Variants in RARB observed in about 807,000 individuals in gnomAD.
RARB encodes retinoic acid receptor beta, also known as HBV-activated protein.
RARB carries 17 observed loss-of-function variants against 51.9 expected under a neutral mutation model. The observed-to-expected ratio is 0.33, with a 90% CI of 0.22 to 0.49. The LOEUF (loss-of-function observed/expected upper bound fraction) is 0.49, where lower values mean the gene tolerates loss of function less well. Among genes scored for constraint, RARB ranks in the 20% least tolerant of loss-of-function variants. RARB has a pLI of 0.99. For synonymous variants in RARB, 215 were observed against 195.4 expected, an observed-to-expected ratio of 1.10 and a Z score of -0.84; for missense variants, 369 against 550.8, an observed-to-expected ratio of 0.67 and a Z score of 3.30.
chr3:24,919,444 A>G (rs530227393), intron 2 of RARB, among the ~76,000 whole-genome samples: 1 of 152,248 alleles, frequency 6.6e-6, no homozygotes, highest in South Asian at 2.1e-4. Context: ...AAGATGGCCA[A>G]CTGTTCAAAC....
chr3:25,089,540 G>C (rs189203881), intron 3 of RARB, among the ~76,000 whole-genome samples: 103 of 152,174 alleles, frequency 6.8e-4, no homozygotes, highest in Non-Finnish European at 1.1e-3. Flanking sequence ...TTTGATATCA[G>C]TTCACTGTAT....
At chr3:25,189,354 T>C (rs1701045976) in intron 5 of RARB, among the ~76,000 whole-genome samples, 1 of 152,154 alleles carries the variant, frequency 6.6e-6, no homozygotes, top group Admixed American at 6.5e-5. Flanking sequence ...AAAAACTATT[T>C]TCCTTAGCCA....
rs183289692 is a variant in RARB at position 25,223,381 on chromosome 3, T to C, written c.178+48806T>C. 2.4e-3 allele frequency among the ~76,000 whole-genome samples: 371 copies of C among 152,360 alleles called. 1 individual carries two copies. The highest frequency in any genetic ancestry group is 7.4e-3 in the African/African-American group (306 of 41,586). On this transcript the variant is annotated intron_variant, in intron 5 of 11. Transcript: ENST00000383772. ...TATGAGGAAAAGGCTTAATGAATATTAAGTGTAGAGGCTAGAAGAAATATC... is the reference window on the plus strand; with the variant it reads ...TATGAGGAAAAGGCTTAATGAATATCAAGTGTAGAGGCTAGAAGAAATATC...
intron 5 of RARB, among the ~76,000 whole-genome samples, chr3:25,419,129 G>T (rs1439499710): frequency 6.6e-6 from 1 of 151,934 alleles, no homozygotes; most frequent in Non-Finnish European, 1.5e-5. Context: ...GTAATAAGCT[G>T]GGGGGAATTT....
At position 24,966,084 on chromosome 3, in the gene RARB, C is replaced by T. The variant is rs57934035; in HGVS notation, c.-379-94041C>T. 7.3e-5 allele frequency among the ~76,000 whole-genome samples: 10 copies of T among 137,804 alleles called. No homozygotes were observed. In the Admixed American group the frequency reaches 7.8e-4, roughly 11 times the overall value. The allele number at this position is 137,804 out of a possible 152,430, so 90.4% of individuals were successfully genotyped here. A position where few individuals can be genotyped will look rare whatever the true frequency, so the allele number is the denominator to read the frequency against. ...GTTTAGAAATGCAACTAAAGAGGCA[C>T]CTTTATCTTTGAATTTTTTTTTTTT... On this transcript the variant is annotated intron_variant, in intron 2 of 11. Coordinates refer to the RARB transcript ENST00000383772.
Position 25,491,725 on chromosome 3 carries a change from G to A in RARB, c.307-9457G>A, listed in dbSNP as rs551783384. Among the ~76,000 whole-genome samples, 5 of 152,216 alleles carry A rather than the reference G, an allele frequency of 3.3e-5. No individual in the cohort carries two copies. In the South Asian group the frequency reaches 6.2e-4, roughly 19 times the overall value. On this transcript the variant is annotated intron_variant, in intron 2 of 7. Coordinates refer to ENST00000330688, the MANE Select transcript of RARB (RefSeq NM_000965.5). ...GGAGACCGAGGCAGGCAAATCGTTC[G>A]AGGCCAGGAGTTCAAGTCCATCCTG...
intron 3 of RARB, among the ~76,000 whole-genome samples, chr3:25,526,148 A>C (rs1266529736): frequency 5.9e-5 from 9 of 152,146 alleles, no homozygotes; most frequent in Admixed American, 5.9e-4. Context: ...GTATGGAGAG[A>C]AGAGGGCATT....
chr3:25,474,510 C>G (rs1695856650), intron 2 of RARB, among the ~76,000 whole-genome samples: 1 of 152,042 alleles, frequency 6.6e-6, no homozygotes. Flanking sequence ...GTTAGGTGTT[C>G]CTTCAGCTGG....
intron 3 of RARB, among the ~76,000 whole-genome samples, chr3:25,069,557 G>T (rs1325940446): frequency 6.6e-6 from 1 of 152,142 alleles, no homozygotes; most frequent in East Asian, 1.9e-4. Context: ...TTGTTCCCAA[G>T]TCTGTCTCAA....
At chr3:25,582,426 GC>G (rs1701213862) in intron 5 of RARB, among the ~76,000 whole-genome samples, 1 of 151,952 alleles carries the variant, frequency 6.6e-6, no homozygotes, top group Non-Finnish European at 1.5e-5. Flanking sequence ...CAGCCACCCA[GC>G]AGGGCCTGGA....
chr3:25,383,568 A>G (rs906342127), intron 5 of RARB, among the ~76,000 whole-genome samples: 3 of 152,214 alleles, frequency 2.0e-5, no homozygotes, highest in African/African-American at 7.2e-5. Context: ...CAAATGTTCT[A>G]TATTTATGTT....
At chr3:25,251,530 T>A (rs1044058988) in intron 5 of RARB, among the ~76,000 whole-genome samples, 7 of 152,178 alleles carry the variant, frequency 4.6e-5, no homozygotes, top group African/African-American at 1.7e-4. Context: ...CCAAAAGTTG[T>A]CCATTTTGTA....
chr3:25,049,098 T>C (rs993315658), intron 2 of RARB, among the ~76,000 whole-genome samples: 6 of 152,170 alleles, frequency 3.9e-5, no homozygotes, highest in African/African-American at 1.2e-4. Context: ...TAATTGCCCC[T>C]GATACAGAAA....
intron 3 of RARB, among the ~76,000 whole-genome samples, chr3:25,114,765 A>T (rs1053012450): frequency 2.0e-5 from 3 of 152,232 alleles, no homozygotes; most frequent in Non-Finnish European, 4.4e-5. Flanking sequence ...TGGCAAGATC[A>T]GGAAAGCTCT....
At chr3:25,563,549 G>T (rs1269542734) in intron 3 of RARB, among the ~76,000 whole-genome samples, 2 of 152,186 alleles carry the variant, frequency 1.3e-5, no homozygotes, top group Non-Finnish European at 2.9e-5. Context: ...TTTACAGTGG[G>T]ACGTGCTATG....
At chr3:25,377,184 G>A (rs1322313946) in intron 5 of RARB, among the ~76,000 whole-genome samples, 2 of 152,256 alleles carry the variant, frequency 1.3e-5, no homozygotes, top group Admixed American at 1.3e-4. Context: ...TCTCAGACAT[G>A]CCGCATGCTG....
chr3:25,592,065 A>AT (rs1386283730), intron 5 of RARB, among the ~76,000 whole-genome samples: 1 of 152,134 alleles, frequency 6.6e-6, no homozygotes, highest in African/African-American at 2.4e-5. Context: ...CCCTGACAAG[A>AT]TGAGAGATTT....
intron 4 of RARB, among the ~76,000 whole-genome samples, chr3:25,134,138 A>G (rs1053720405): frequency 7.9e-5 from 12 of 151,916 alleles, no homozygotes; most frequent in Non-Finnish European, 1.6e-4. Flanking sequence ...GTTACTGGAA[A>G]TTTACTTATT....
intron 2 of RARB, among the ~76,000 whole-genome samples, chr3:25,493,102 G>A (rs527257536): frequency 1.1e-3 from 161 of 151,554 alleles, no homozygotes; most frequent in African/African-American, 3.8e-3. Context: ...CTGGAGTTTG[G>A]CCCCATCTAA....
Sources: allele counts gnomAD v4.1 joint callset (sites outside exome capture counted in the v4.1 genomes callset), GRCh38; gene constraint gnomAD v4.1.1; transcripts MANE v1.5; gene names NCBI Gene and HGNC (gene_info 2026-07-23, HGNC 2026-07-21).